The following QTMAN variants were observed in gnomAD, a reference collection of about 807,000 sequenced individuals.
The protein encoded by QTMAN is tRNA-queuosine alpha-mannosyltransferase.
chr2:143,976,514 G>T, the QTMAN span, among the ~76,000 whole-genome samples: 1 of 152,086 alleles, frequency 6.6e-6, no homozygotes, highest in Non-Finnish European at 1.5e-5. Context: ...CCCTGTCCTA[G>T]CTGTTAGAAT....
the QTMAN span, among the ~76,000 whole-genome samples, chr2:144,155,486 A>G: frequency 2.0e-5 from 3 of 152,176 alleles, no homozygotes; most frequent in Non-Finnish European, 4.4e-5. Flanking sequence ...ATCGTACAAG[A>G]CTATTCCTTA....
At chr2:143,964,310 A>T in the QTMAN span, among the ~76,000 whole-genome samples, 1 of 152,134 alleles carries the variant, frequency 6.6e-6, no homozygotes, top group Non-Finnish European at 1.5e-5. Flanking sequence ...AAAAAATTAT[A>T]AGGAAAAGGA....
At chr2:144,288,321 T>C in the QTMAN span, among the ~76,000 whole-genome samples, 1 of 152,140 alleles carries the variant, frequency 6.6e-6, no homozygotes, top group African/African-American at 2.4e-5. Flanking sequence ...AAAATGACAA[T>C]CTTTCTATAT....
chr2:144,199,033 A>G, the QTMAN span, among the ~76,000 whole-genome samples: 1 of 146,768 alleles, frequency 6.8e-6, no homozygotes, highest in Non-Finnish European at 1.5e-5. Context: ...AATTAAACCC[A>G]CTTCTCTGTA....
At chr2:144,276,211 T>A in the QTMAN span, among the ~76,000 whole-genome samples, 1 of 152,002 alleles carries the variant, frequency 6.6e-6, no homozygotes, top group Non-Finnish European at 1.5e-5. Context: ...TTCTGGTTTT[T>A]TTTAAAAAAA....
chr2:144,255,962 C>T, the QTMAN span, among the ~76,000 whole-genome samples: 8 of 152,166 alleles, frequency 5.3e-5, no homozygotes, highest in Non-Finnish European at 1.2e-4. Context: ...TCTATATTTC[C>T]TATTCAGTTT....
chr2:143,992,535 A>AAAT, the QTMAN span, among the ~76,000 whole-genome samples: 22 of 151,464 alleles, frequency 1.5e-4, no homozygotes, highest in African/African-American at 4.9e-4. Context: ...GATCAATAAA[A>AAAT]AAATAAATAA....
the QTMAN span, among the ~76,000 whole-genome samples, chr2:144,218,132 G>A: frequency 7.9e-5 from 12 of 152,116 alleles, no homozygotes; most frequent in Non-Finnish European, 1.6e-4. Context: ...ATTCATTCAA[G>A]AGTTGTACTA....
the QTMAN span, among the ~76,000 whole-genome samples, chr2:144,257,040 A>T: frequency 1.1e-3 from 160 of 149,990 alleles, no homozygotes; most frequent in African/African-American, 3.7e-3. Context: ...AACTAAAAAA[A>T]TTTTTTAAAG....
the QTMAN span, among the ~76,000 whole-genome samples, chr2:144,162,635 A>G: frequency 1.3e-5 from 2 of 152,178 alleles, no homozygotes; most frequent in Non-Finnish European, 2.9e-5. Flanking sequence ...GATAAGGGAA[A>G]GAGCAGCAAA....
chr2:144,309,541 A>G, the QTMAN span, among the ~76,000 whole-genome samples: 1 of 152,208 alleles, frequency 6.6e-6, no homozygotes, highest in Admixed American at 6.5e-5. Context: ...GAAACTCTGG[A>G]GCAGGCAAAA....
chr2:144,004,693 T>C, the QTMAN span, among the ~76,000 whole-genome samples: 3 of 151,940 alleles, frequency 2.0e-5, no homozygotes, highest in Non-Finnish European at 2.9e-5. Flanking sequence ...CCAGTGGCAT[T>C]TGAAAAAAGT....
the QTMAN span, among the ~76,000 whole-genome samples, chr2:143,967,333 ATT>A: frequency 4.1e-5 from 6 of 144,592 alleles, no homozygotes; most frequent in Non-Finnish European, 6.1e-5. Flanking sequence ...ATAGTATATA[ATT>A]TTTTTTTTTT....
At chr2:144,052,106 G>GA in the QTMAN span, among the ~76,000 whole-genome samples, 204 of 152,302 alleles carry the variant, frequency 1.3e-3, no homozygotes, top group African/African-American at 4.8e-3. Context: ...AACAGTGCCA[G>GA]CACATTGTAG....
chr2:143,992,999 C>T, the QTMAN span, among the ~76,000 whole-genome samples: 3 of 152,216 alleles, frequency 2.0e-5, no homozygotes, highest in East Asian at 3.9e-4. Flanking sequence ...ATTACTTATG[C>T]ATGGTAGATA....
At chr2:144,009,597 G>A in the QTMAN span, among the ~76,000 whole-genome samples, 1 of 152,196 alleles carries the variant, frequency 6.6e-6, no homozygotes, top group East Asian at 1.9e-4. Context: ...AACTCCCCAA[G>A]TAATAAAGAG....
the QTMAN span, among the ~76,000 whole-genome samples, chr2:143,968,240 C>G: frequency 4.6e-5 from 7 of 152,286 alleles, no homozygotes; most frequent in Admixed American, 1.3e-4. Context: ...CTAGGAGTAA[C>G]AGAAGCACGT....
At chr2:144,329,419 T>C in the QTMAN span, among the ~76,000 whole-genome samples, 1 of 152,270 alleles carries the variant, frequency 6.6e-6, no homozygotes, top group Admixed American at 6.5e-5. Flanking sequence ...GCCAAGGTAG[T>C]CCAAACTCTG....
chr2:144,269,103 TC>T, the QTMAN span, among the ~76,000 whole-genome samples: 1 of 152,234 alleles, frequency 6.6e-6, no homozygotes, highest in Non-Finnish European at 1.5e-5. Context: ...AGTTTCCATT[TC>T]TTAAAGCCTA....
Sources: allele counts gnomAD v4.1 joint callset (sites outside exome capture counted in the v4.1 genomes callset), GRCh38; gene constraint gnomAD v4.1.1; transcripts MANE v1.5; gene names NCBI Gene and HGNC (gene_info 2026-07-23, HGNC 2026-07-21).